The following NEGR1 variants were observed in gnomAD, a reference collection of about 807,000 sequenced individuals.
NEGR1 encodes IgLON family member 4.
A neutral mutation model predicts 40.9 loss-of-function variants in NEGR1; 10 were observed. The ratio of observed to expected loss-of-function variants is 0.24; its 90% CI spans 0.15 to 0.42. The LOEUF is 0.42. Among genes scored for constraint, NEGR1 ranks in the 10% least tolerant of loss-of-function variants. The probability of loss-of-function intolerance (pLI) is 1.00; values close to 1 mark genes in which losing one functional copy is unlikely to be tolerated. For synonymous variants in NEGR1, 185 were observed against 166.8 expected (o/e 1.11, Z -0.84); for missense variants, 352 against 438.9 (o/e 0.80, Z 1.77).
At chr1:71,667,563 TAC>T (rs768617574) in intron 4 of NEGR1, among the ~76,000 whole-genome samples, 166 of 152,208 alleles carry the variant, frequency 1.1e-3, no homozygotes, top group Admixed American at 2.7e-3. Context: ...GAAAATGTAG[TAC>T]AGAGTTTCTG....
chr1:72,168,837 C>A (rs1651861261), intron 1 of NEGR1, among the ~76,000 whole-genome samples: 1 of 152,090 alleles, frequency 6.6e-6, no homozygotes, highest in African/African-American at 2.4e-5. Flanking sequence ...GAGGCAGAGG[C>A]TGCAGTGAGC....
chr1:72,210,866 A>G (rs992080879), intron 1 of NEGR1, among the ~76,000 whole-genome samples: 1 of 151,888 alleles, frequency 6.6e-6, no homozygotes, highest in Non-Finnish European at 1.5e-5. Flanking sequence ...ACAGTTTGAG[A>G]TTCCATACTG....
intron 6 of NEGR1, 33 bp downstream of exon 6, chr1:71,592,784 C>A: frequency 6.3e-7 from 1 of 1,584,014 alleles, no homozygotes; most frequent in Non-Finnish European, 8.6e-7. Flanking sequence ...CCAGAGGCCC[C>A]TGGAAGCATT....
intron 2 of NEGR1, among the ~76,000 whole-genome samples, chr1:71,852,334 A>T (rs1659632041): frequency 6.6e-6 from 1 of 152,182 alleles, no homozygotes; most frequent in South Asian, 2.1e-4. Context: ...GTGTGAGAAC[A>T]GCAGATACAA....
intron 1 of NEGR1, among the ~76,000 whole-genome samples, chr1:72,113,180 C>A (rs892138565): frequency 6.6e-6 from 1 of 151,542 alleles, no homozygotes; most frequent in Non-Finnish European, 1.5e-5. Context: ...AATTTATGAA[C>A]GGACTAGCAA....
At chr1:71,424,971 A>T (rs533564834) in intron 6 of NEGR1, among the ~76,000 whole-genome samples, 2 of 152,316 alleles carry the variant, frequency 1.3e-5, no homozygotes, top group East Asian at 3.9e-4. Context: ...AAGTAAATTT[A>T]TGTTCTTTAA....
chr1:71,556,228 C>T (rs1648246423), intron 6 of NEGR1, among the ~76,000 whole-genome samples: 1 of 149,852 alleles, frequency 6.7e-6, no homozygotes, highest in African/African-American at 2.4e-5. Flanking sequence ...TTCTCTGCTG[C>T]CTTTTAGCAT....
At chr1:71,792,336 T>C (rs1657147338) in intron 2 of NEGR1, among the ~76,000 whole-genome samples, 1 of 152,176 alleles carries the variant, frequency 6.6e-6, no homozygotes, top group Admixed American at 6.5e-5. Flanking sequence ...TTTGCATTTA[T>C]AGAAGTCACA....
chr1:71,400,008 A>T lies in NEGR1; in HGVS notation c.*7438T>A, dbSNP rs1646236660. 1 of 152,200 alleles carries T rather than the reference A, an allele frequency of 6.6e-6. No homozygotes were observed. The highest frequency in any genetic ancestry group is 1.5e-5 in the Non-Finnish European group (1 of 68,038). 9.4% of individuals were successfully genotyped at this position (152,200 alleles called of 1,614,324 possible). A position where few individuals can be genotyped will look rare whatever the true frequency, so the allele number is the denominator to read the frequency against. On this transcript the variant is annotated 3_prime_UTR_variant, in exon 7 of 7. Coordinates refer to ENST00000357731, the MANE Select transcript of NEGR1 (RefSeq NM_173808.3). ...CATGTGCTTGAATACTTGTTTAAGC[A>T]CAATTCAGAACTGCGGGAGGTCTAA... is the stretch of plus-strand genomic sequence containing the variant.
intron 5 of NEGR1, among the ~76,000 whole-genome samples, chr1:71,606,019 C>A (rs1271867462): frequency 6.6e-6 from 1 of 152,172 alleles, no homozygotes; most frequent in Non-Finnish European, 1.5e-5. Flanking sequence ...TCTTGATATT[C>A]ATGTCCCTGT....
intron 1 of NEGR1, among the ~76,000 whole-genome samples, chr1:72,062,107 C>T (rs970212111): frequency 1.3e-5 from 2 of 152,008 alleles, no homozygotes; most frequent in South Asian, 4.1e-4. Context: ...TCCAAATTGG[C>T]ATGGGCTTTA....
intron 4 of NEGR1, among the ~76,000 whole-genome samples, chr1:71,680,739 C>T (rs1186109422): frequency 6.6e-6 from 1 of 152,148 alleles, no homozygotes; most frequent in Admixed American, 6.6e-5. Flanking sequence ...CAGCTCTAGC[C>T]TGCTTCATCC....
At chr1:71,637,976 T>A (rs115086022) in intron 4 of NEGR1, among the ~76,000 whole-genome samples, 2,352 of 152,104 alleles carry the variant, frequency 0.015, 54 homozygotes, top group African/African-American at 0.053. Context: ...ACCCCATATG[T>A]CTGGTGCTAT....
At chr1:72,145,606 G>C (rs558363188) in intron 1 of NEGR1, among the ~76,000 whole-genome samples, 2 of 152,188 alleles carry the variant, frequency 1.3e-5, no homozygotes, top group African/African-American at 4.8e-5. Context: ...GGACTAGGGG[G>C]TAGAGATTGC....
intron 1 of NEGR1, among the ~76,000 whole-genome samples, chr1:72,043,063 T>A (rs1041024960): frequency 6.6e-6 from 1 of 151,892 alleles, no homozygotes; most frequent in African/African-American, 2.4e-5. Flanking sequence ...CCAGGCCACA[T>A]ACCCTTAAAA....
intron 2 of NEGR1, among the ~76,000 whole-genome samples, chr1:71,784,864 A>G (rs147644867): frequency 6.6e-6 from 1 of 152,344 alleles, no homozygotes; most frequent in South Asian, 2.1e-4. Context: ...TGCTGGTTTT[A>G]GAGAGCTTAA....
At chr1:72,232,504 T>C (rs539576042) in intron 1 of NEGR1, among the ~76,000 whole-genome samples, 50 of 152,322 alleles carry the variant, frequency 3.3e-4, no homozygotes, top group African/African-American at 1.2e-3. Flanking sequence ...GGTAGCAGAA[T>C]GAGCCAAGTT....
intron 1 of NEGR1, among the ~76,000 whole-genome samples, chr1:72,193,412 A>T (rs541297575): frequency 6.6e-6 from 1 of 151,912 alleles, no homozygotes; most frequent in Non-Finnish European, 1.5e-5. Flanking sequence ...ATAGTGATTC[A>T]AAATGGAAAA....
chr1:71,824,140 A>G (rs1658533080), intron 2 of NEGR1, among the ~76,000 whole-genome samples: 1 of 151,338 alleles, frequency 6.6e-6, no homozygotes, highest in East Asian at 1.9e-4. Flanking sequence ...TGGTACACAG[A>G]AAAAAAAATT....
Sources: allele counts gnomAD v4.1 joint callset (sites outside exome capture counted in the v4.1 genomes callset), GRCh38; gene constraint gnomAD v4.1.1; transcripts MANE v1.5; gene names NCBI Gene and HGNC (gene_info 2026-07-23, HGNC 2026-07-21).